Variants in DOCK7 observed in about 807,000 individuals in gnomAD.
DOCK7 encodes the protein dedicator of cytokinesis protein 7.
In DOCK7, 138 loss-of-function variants were observed where a neutral mutation model predicts 271.0. The ratio of observed to expected loss-of-function variants is 0.51; its 90% CI spans 0.44 to 0.59. The LOEUF (loss-of-function observed/expected upper bound fraction) is 0.59. Ranked by LOEUF, DOCK7 falls within the 20% of genes least tolerant of loss-of-function variation. DOCK7 has a pLI of 0.00. For missense variants in DOCK7, 2,066 were observed against 2,592.4 expected (o/e 0.80, Z 4.41); for synonymous variants, 823 against 876.1 (o/e 0.94, Z 1.07).
chr1:62,627,148 T>C (rs915807236), intron 11 of DOCK7, among the ~76,000 whole-genome samples: 5 of 152,124 alleles, frequency 3.3e-5, no homozygotes, highest in Non-Finnish European at 7.4e-5. Flanking sequence ...ATAATTCTAA[T>C]AGAGGCAGAA....
intron 48 of DOCK7, among the ~76,000 whole-genome samples, chr1:62,473,416 G>A (rs746915014): frequency 3.9e-5 from 6 of 152,066 alleles, no homozygotes; most frequent in Non-Finnish European, 7.4e-5. Context: ...GTAGTTTCAA[G>A]TTAATAAAAT....
chr1:62,606,057 T>C (rs1650937280), intron 14 of DOCK7: 2 of 152,052 alleles, frequency 1.3e-5, no homozygotes, highest in African/African-American at 4.8e-5. Flanking sequence ...ATATATATTT[T>C]TATATGTCAC....
At position 62,578,080 on chromosome 1, in the gene DOCK7, C is replaced by T. The variant is rs140720736; in HGVS notation, c.2011-717G>A. ...CTGGGATCACAGGTGCACGACACCA[C>T]GCCTAGCTAATTTTTGTATTTTTGG... On this transcript the variant is annotated intron_variant, in intron 17 of 49. Coordinates refer to ENST00000635253, the MANE Select transcript of DOCK7 (RefSeq NM_001367561.1). 3.4e-3 allele frequency among the ~76,000 whole-genome samples: 523 copies of T among 152,212 alleles called. 3 individuals carry two copies. The highest frequency in any genetic ancestry group is 0.012 in the African/African-American group (504 of 41,532).
At chr1:62,569,754 C>T (rs537574068) in intron 18 of DOCK7, among the ~76,000 whole-genome samples, 1 of 132,990 alleles carries the variant, frequency 7.5e-6, no homozygotes, top group African/African-American at 2.7e-5. Flanking sequence ...CACTCTGTCA[C>T]TCAGGCTAGA....
chr1:62,548,844 C>T (rs932384030), intron 22 of DOCK7, among the ~76,000 whole-genome samples: 1 of 152,084 alleles, frequency 6.6e-6, no homozygotes, highest in Admixed American at 6.5e-5. Flanking sequence ...TTGCTCAGAC[C>T]AAGATGGTAG....
intron 2 of DOCK7, among the ~76,000 whole-genome samples, chr1:62,662,760 CA>C (rs1330348449): frequency 1.3e-5 from 2 of 151,228 alleles, no homozygotes; most frequent in Admixed American, 6.6e-5. Context: ...GACTCGGTCT[CA>C]AAAAAAGAAG....
At chr1:62,586,440 A>T in intron 15 of DOCK7, 67 bp downstream of exon 15, 7 of 1,242,370 alleles carry the variant, frequency 5.6e-6, no homozygotes, top group Non-Finnish European at 7.8e-6. Flanking sequence ...TTGCCAACCA[A>T]AGAGAAAGAA....
At chr1:62,608,442 G>T (rs974238396) in intron 14 of DOCK7, 1 of 152,100 alleles carries the variant, frequency 6.6e-6, no homozygotes, top group Non-Finnish European at 1.5e-5. Context: ...AGATTGTGCC[G>T]TATTTTAAGG....
chr1:62,559,351 T>C, intron 19 of DOCK7, 131 bp from the exon 20 acceptor site: 1 of 571,204 alleles, frequency 1.8e-6, no homozygotes, highest in Middle Eastern at 3.0e-4. Context: ...TATACAAACA[T>C]TGTTTCCAAT....
At chr1:62,683,478 C>T (rs2149782136) in intron 1 of DOCK7, among the ~76,000 whole-genome samples, 1 of 152,262 alleles carries the variant, frequency 6.6e-6, no homozygotes, top group East Asian at 1.9e-4. Flanking sequence ...AAATAAAGAT[C>T]TGATGGAAAC....
intron 31 of DOCK7, among the ~76,000 whole-genome samples, chr1:62,519,132 A>G (rs1020188236): frequency 2.6e-5 from 4 of 152,110 alleles, no homozygotes; most frequent in African/African-American, 7.2e-5. Flanking sequence ...AAAGTGTTAA[A>G]TGTTTCATAA....
At chr1:62,636,696 T>C (rs1045519114) in intron 7 of DOCK7, 93 bp from the exon 8 acceptor site, 13 of 1,101,768 alleles carry the variant, frequency 1.2e-5, no homozygotes, top group African/African-American at 1.6e-5. Context: ...ATCACAATAC[T>C]TGGCAGTTTT....
intron 46 of DOCK7, 70 bp downstream of exon 46, chr1:62,475,637 A>G (rs1645948189): frequency 7.2e-7 from 1 of 1,392,116 alleles, no homozygotes; most frequent in South Asian, 1.2e-5. Context: ...CTTCTGGTAC[A>G]TCTGAGTTGT....
chr1:62,519,403 C>T (rs762453785), intron 31 of DOCK7, among the ~76,000 whole-genome samples: 41 of 152,098 alleles, frequency 2.7e-4, no homozygotes, highest in Non-Finnish European at 5.0e-4. Flanking sequence ...TGATATCATA[C>T]AGAGTTATGC....
chr1:62,625,476 GGAA>G, intron 11 of DOCK7, 75 bp from the exon 12 acceptor site: 1 of 1,411,514 alleles, frequency 7.1e-7, no homozygotes, highest in Non-Finnish European at 9.7e-7. Context: ...CCAAACACAA[GGAA>G]GAATCTACTA....
intron 14 of DOCK7, among the ~76,000 whole-genome samples, chr1:62,596,963 A>C (rs1442609900): frequency 2.0e-5 from 3 of 152,170 alleles, no homozygotes; most frequent in East Asian, 3.8e-4. Flanking sequence ...ATGCAAAAAA[A>C]CATATTAACA....
At chr1:62,489,975 T>C (rs1646411407) in intron 41 of DOCK7, among the ~76,000 whole-genome samples, 1 of 151,946 alleles carries the variant, frequency 6.6e-6, no homozygotes, top group Non-Finnish European at 1.5e-5. Context: ...CACTGTGGGC[T>C]AGTTGGCCAG....
rs375137004 is a variant in DOCK7 at position 62,506,949 on chromosome 1, A to AAAATAAATAAATAAAT, written c.4476+997_4476+1012dup. Among the ~76,000 whole-genome samples, 203 of 138,656 alleles carry AAAATAAATAAATAAAT rather than the reference A, an allele frequency of 1.5e-3. 1 individual carries two copies. The highest frequency in any genetic ancestry group is 2.9e-3 in the Admixed American group (39 of 13,684). 91.0% of individuals were successfully genotyped at this position (138,656 alleles called of 152,430 possible). A position where few individuals can be genotyped will look rare whatever the true frequency, so the allele number is the denominator to read the frequency against. ...GCAACAAGAGCGAAACTCCACCTCA[A>AAAATAAATAAATAAAT]AAATAAATAAATAAATAAATAAATA... On this transcript the variant is annotated intron_variant, in intron 35 of 49. Transcript: ENST00000635253.
At chr1:62,665,291 A>G (rs1659162084) in intron 1 of DOCK7, among the ~76,000 whole-genome samples, 1 of 152,070 alleles carries the variant, frequency 6.6e-6, no homozygotes, top group African/African-American at 2.4e-5. Context: ...GCCTAGCCTC[A>G]TTAGGGATTT....
Sources: allele counts gnomAD v4.1 joint callset (sites outside exome capture counted in the v4.1 genomes callset), GRCh38; gene constraint gnomAD v4.1.1; transcripts MANE v1.5; gene names NCBI Gene and HGNC (gene_info 2026-07-23, HGNC 2026-07-21).